The following SPTBN2 variants were observed in gnomAD, a reference collection of about 807,000 sequenced individuals.
The protein encoded by SPTBN2 is spectrin beta, non-erythrocytic 2.
SPTBN2 carries 107 observed loss-of-function variants against 284.2 expected under a neutral mutation model. The ratio of observed to expected loss-of-function variants is 0.38; its 90% CI spans 0.32 to 0.44. The LOEUF is 0.44. SPTBN2 is among the 20% of genes least tolerant of loss of function. The probability of loss-of-function intolerance (pLI) is 1.00; values close to 1 mark genes in which losing one functional copy is unlikely to be tolerated. For synonymous variants in SPTBN2, 1,289 were observed against 1,354.8 expected (o/e 0.95, Z 1.07); for missense variants, 2,569 against 3,287.1 (o/e 0.78, Z 5.34).
chr11:66,708,970 T>C lies in SPTBN2; in HGVS notation c.1123A>G (p.Lys375Glu). ...ACCTTCTGGTTGTTGGCCCGAAGCT[T>C]GCTCTGGATGGTGAAGAGCAGCACT... Reference protein sequence around the residue: ...LEVLLFTIQSKLRANNQKVYT... With the variant: ...LEVLLFTIQSELRANNQKVYT... The change falls in exon 11 of 38, where the codon AAG becomes GAG. Residue 375 changes from lysine to glutamate, a missense_variant. Physicochemically the swap from Lys to Glu is moderately conservative, Grantham distance 56. Around this residue, in one of 6 missense-constraint regions of SPTBN2, gnomAD observed 304 missense variants for 522.1 expected, o/e 0.58. Transcript: ENST00000533211. The surrounding 1 kb of genome is among the most constrained non-coding windows in gnomAD (Gnocchi z 4.4). The C allele has an allele frequency of 6.2e-7, 1 of 1,613,644 alleles. No homozygotes were observed. The highest frequency in any genetic ancestry group is 8.5e-7 in the Non-Finnish European group (1 of 1,179,860).
chr11:66,721,530 C>T (rs1007620901), intron 1 of SPTBN2, 90 bp from the exon 2 acceptor site: 10 of 473,514 alleles, frequency 2.1e-5, no homozygotes, highest in Admixed American at 1.0e-4. Context: ...AAGGCTCCAA[C>T]GACTTCGGGC....
rs1939992025 is a variant in SPTBN2, at chr11:66,684,612, C to T, written c.*1259G>A. Reference sequence around the variant, plus strand: ...ATTGCGCCACTGCAGTCCAGCTTGGCTGACAGAGTGAGACTCTGTCTCAAA... The same window carrying T: ...ATTGCGCCACTGCAGTCCAGCTTGGTTGACAGAGTGAGACTCTGTCTCAAA... On this transcript the variant is annotated 3_prime_UTR_variant, in exon 38 of 38. Coordinates refer to ENST00000533211, the MANE Select transcript of SPTBN2 (RefSeq NM_006946.4). Among the ~76,000 whole-genome samples the T allele has an allele frequency of 6.9e-6, 1 of 145,430 alleles. No homozygotes were observed. Among genetic ancestry groups the T allele is most frequent in the Admixed American group, 7.0e-5 (1 of 14,208 alleles).
intron 1 of SPTBN2, chr11:66,728,307 G>T (rs1351368570): frequency 6.9e-6 from 1 of 145,438 alleles, no homozygotes; most frequent in Non-Finnish European, 1.5e-5. Context: ...GTCACGGGGC[G>T]CAGGCGGCGC....
Position 66,708,953 on chromosome 11 carries a change from G to C in SPTBN2, c.1140C>G (p.Asn380Lys), listed in dbSNP as rs1442474096. The C allele has an allele frequency of 1.9e-6, 3 of 1,614,054 alleles. No homozygotes were observed. Among genetic ancestry groups the C allele is most frequent in the Non-Finnish European group, 2.5e-6 (3 of 1,179,986 alleles). ...CCTCGCGGGGCGTGTAGACCTTCTG[G>C]TTGTTGGCCCGAAGCTTGCTCTGGA... ...FTIQSKLRAN[N>K]QKVYTPREGR... Residue 380 changes from asparagine (N) to lysine (K), a missense_variant, in exon 11 of 38, where the codon AAC (asparagine) becomes AAG (lysine). Asn to Lys is a moderately conservative substitution (Grantham distance 94). This residue lies in a region of SPTBN2 where 304 missense variants were observed against 522.1 expected (regional missense o/e 0.58). Transcript: ENST00000533211. This position sits in a 1 kb window ranked among gnomAD's most constrained non-coding sequence, Gnocchi z 4.4.
rs1590967004 is a variant in SPTBN2 at position 66,714,126 on chromosome 11, A to G, written c.621T>C (p.Asp207=). The G allele has an allele frequency of 1.2e-6, 2 of 1,614,202 alleles. No individual in the cohort carries two copies. Among genetic ancestry groups the G allele is most frequent in the East Asian group, 4.5e-5 (2 of 44,884 alleles). ...NVHNFTTSWR[D]GLAFNAIVHK... ...GCACGATGGCGTTGAAAGCTAGTCC[A>G]TCTCTCCAGCTGGTGGTGAAGTTGT... The change falls in exon 7 of 38, where the codon GAT becomes GAC. Residue 207 remains aspartate, a synonymous_variant. Coordinates refer to ENST00000533211, the MANE Select transcript of SPTBN2 (RefSeq NM_006946.4).
intron 1 of SPTBN2, among the ~76,000 whole-genome samples, chr11:66,735,927 G>A (rs1198366718): frequency 6.6e-6 from 1 of 152,148 alleles, no homozygotes; most frequent in Non-Finnish European, 1.5e-5. Context: ...AAACAAGCAT[G>A]CTGCACAAGT....
chr11:66,709,484 A>T (rs1032810982), intron 10 of SPTBN2, among the ~76,000 whole-genome samples: 1 of 152,206 alleles, frequency 6.6e-6, no homozygotes, highest in Non-Finnish European at 1.5e-5. Flanking sequence ...AGCCAAAATA[A>T]TTCTTTTATA....
At position 66,705,724 on chromosome 11, in the gene SPTBN2, G is replaced by A. The variant is rs748966229; in HGVS notation, c.1767C>T (p.Ala589=). 43 of 1,612,498 alleles carry A rather than the reference G, an allele frequency of 2.7e-5. No homozygotes were observed. Among genetic ancestry groups the A allele is most frequent in the South Asian group, 1.5e-4 (14 of 91,084 alleles). The part of the protein sequence containing the change: ...DIAVQAERVR[A]VSASALRFCN... ...AGAAGCGCAGGGCAGAGGCGCTGAC[G>A]GCCCGCACCCTCTCGGCCTGCACGG... Residue 589 remains alanine (A), a synonymous_variant, in exon 14 of 38, where the codon GCC becomes GCT. Transcript: ENST00000533211.
At position 66,689,115 on chromosome 11, in the gene SPTBN2, C is replaced by G; in HGVS notation, c.6015G>C (p.Lys2005Asn). The G allele has an allele frequency of 6.2e-7, 1 of 1,609,328 alleles. No individual in the cohort carries two copies. Among genetic ancestry groups the G allele is most frequent in the South Asian group, 1.1e-5 (1 of 90,106 alleles). The change falls in exon 30 of 38, where the codon AAG becomes AAC. Residue 2005 changes from lysine (K) to asparagine (N), a missense_variant. This residue lies in a region of SPTBN2 where 1,130 missense variants were observed against 1,317.3 expected (regional missense o/e 0.86). Transcript: ENST00000533211. ...GCTCACCCAGCTGAAGCCAGTCCATCTTCTCCTGCCACTTCTCAGCTGTCT... is the reference window on the plus strand; with the variant it reads ...GCTCACCCAGCTGAAGCCAGTCCATGTTCTCCTGCCACTTCTCAGCTGTCT... ...RQETAEKWQE[K>N]MDWLQLVLEV... is the part of the protein sequence containing the mutation.
In SPTBN2 at chr11:66,685,746, T is replaced by A. The variant is rs978795925; in HGVS notation, c.*125A>T. The stretch of plus-strand genomic sequence containing the variant: ...CGTCCCCAGTGACAGTTCCTGGTGA[T>A]GGGTTGACCTTGGCAACAGACCCTA... On this transcript the variant is annotated 3_prime_UTR_variant, in exon 38 of 38. Transcript: ENST00000533211. This position sits in a 1 kb window ranked among gnomAD's most constrained non-coding sequence, Gnocchi z 4.4. 18 of 863,526 alleles carry A rather than the reference T, an allele frequency of 2.1e-5. No homozygotes were observed. The African/African-American group carries it at 2.8e-4, about 13-fold the overall frequency. The allele number at this position is 863,526 out of a possible 1,614,324, so 53.5% of individuals were successfully genotyped here. A position where few individuals can be genotyped will look rare whatever the true frequency, so the allele number is the denominator to read the frequency against.
At chr11:66,731,715 CTT>C (rs889903882), upstream of SPTBN2, among the ~76,000 whole-genome samples, 1 of 152,248 alleles carries the variant, frequency 6.6e-6, no homozygotes, top group African/African-American at 2.4e-5. Flanking sequence ...TCCCCTTGCT[CTT>C]TATGTTCACA....
chr11:66,729,825 G>A (rs139319969), upstream of SPTBN2, among the ~76,000 whole-genome samples: 1,883 of 152,114 alleles, frequency 0.012, 36 homozygotes, highest in African/African-American at 0.043. Context: ...ATTTTGAGAC[G>A]GAGTCGTGCT....
At chr11:66,695,425 ATTTTTGTAG>A (rs1381874537) in intron 21 of SPTBN2, among the ~76,000 whole-genome samples, 27 of 151,994 alleles carry the variant, frequency 1.8e-4, no homozygotes. Flanking sequence ...CGCCCAGCTA[ATTTTTGTAG>A]TTTTTGTAGA....
rs1018231878 is a variant in SPTBN2, at chr11:66,688,290, G to T, written c.6253C>A (p.Arg2085=). ...TCCTCCTCCTCCCTCTTTCTCTTTCGCTCCTTCTCCCGCTCCTCTAGCTGT... is the reference window on the plus strand; with the variant it reads ...TCCTCCTCCTCCCTCTTTCTCTTTCTCTCCTTCTCCCGCTCCTCTAGCTGT... ...LTALEEREKE[R]KRKREEEERR... The change falls in exon 32 of 38, where the codon CGA becomes AGA. Residue 2085 remains arginine (R), a synonymous_variant. Coordinates refer to ENST00000533211, the MANE Select transcript of SPTBN2 (RefSeq NM_006946.4). The T allele has an allele frequency of 6.2e-7, 1 of 1,604,744 alleles. No individual in the cohort carries two copies.
In SPTBN2 at chr11:66,710,906, A is replaced by G. The variant is rs1190051429; in HGVS notation, c.885+11T>C. Reference sequence around the variant, plus strand: ...CCTCTGGCCTTTATGCCTACTGCCCATGGACAGTACCTTGCCAATTCTCTT... The same window carrying G: ...CCTCTGGCCTTTATGCCTACTGCCCGTGGACAGTACCTTGCCAATTCTCTT... On this transcript the variant is annotated intron_variant, in intron 9 of 37. Transcript: ENST00000533211. The surrounding 1 kb of genome is among the most constrained non-coding windows in gnomAD (Gnocchi z 4.9). 1 of 1,614,028 alleles carries G rather than the reference A, an allele frequency of 6.2e-7. No individual in the cohort carries two copies. Among genetic ancestry groups the G allele is most frequent in the Non-Finnish European group, 8.5e-7 (1 of 1,179,878 alleles).
chr11:66,692,649 G>A lies in SPTBN2; in HGVS notation c.5077C>T (p.His1693Tyr), dbSNP rs562971143. 1.9e-6 allele frequency: 3 copies of A among 1,604,818 alleles called. No individual in the cohort carries two copies. The South Asian group carries it at 3.3e-5, about 18-fold the overall frequency. Residue 1693 changes from histidine to tyrosine, a missense_variant, in exon 26 of 38, where the codon CAC becomes TAC. By Grantham distance (83) the His-to-Tyr change is moderately conservative. This residue lies in a region of SPTBN2 where 1,130 missense variants were observed against 1,317.3 expected (regional missense o/e 0.86). Coordinates refer to ENST00000533211, the MANE Select transcript of SPTBN2 (RefSeq NM_006946.4). Reference protein sequence around the residue: ...AGERRERLQEHLRLCQLRREL... With the variant: ...AGERRERLQEYLRLCQLRREL... The stretch of plus-strand genomic sequence containing the variant: ...CGGCGGAGCTGGCACAGCCGGAGGT[G>A]CTCCTGCAGGCGCTCCCGCCGCTCT...
chr11:66,701,030 A>T lies in SPTBN2; in HGVS notation c.3069T>A (p.Asn1023Lys). 1 of 1,608,844 alleles carries T rather than the reference A, an allele frequency of 6.2e-7. No homozygotes were observed. Among genetic ancestry groups the T allele is most frequent in the Non-Finnish European group, 8.5e-7 (1 of 1,179,794 alleles). Reference sequence around the variant, plus strand: ...GAGCGGGATGGCCGGCAGCCAGGGCATTTGCCTCTCGAGTCAGTTCGCCCA... The same window carrying T: ...GAGCGGGATGGCCGGCAGCCAGGGCTTTTGCCTCTCGAGTCAGTTCGCCCA... Reference protein sequence around the residue: ...ARVGELTREANALAAGHPAQA... With the variant: ...ARVGELTREAKALAAGHPAQA... The change falls in exon 17 of 38, where the codon AAT becomes AAA. Residue 1023 changes from asparagine to lysine, a missense_variant. Physicochemically the swap from Asn to Lys is moderately conservative, Grantham distance 94 (BLOSUM62 0). Coordinates refer to ENST00000533211, the MANE Select transcript of SPTBN2 (RefSeq NM_006946.4).
chr11:66,688,778 C>A lies in SPTBN2; in HGVS notation c.6106G>T (p.Val2036Leu), dbSNP rs1283240546. 6.2e-7 allele frequency: 1 copy of A among 1,613,300 alleles called. No individual in the cohort carries two copies. The highest frequency in any genetic ancestry group is 1.7e-5 in the Admixed American group (1 of 60,034). ...GTGCAACCCAGCTCAGCGCTGCGCACCAGTGGCTCCTGGCTGCAGAGCCAG... is the reference window on the plus strand; with the variant it reads ...GTGCAACCCAGCTCAGCGCTGCGCAACAGTGGCTCCTGGCTGCAGAGCCAG... Reference protein sequence around the residue: ...EAWLCSQEPLVRSAELGCTVD... With the variant: ...EAWLCSQEPLLRSAELGCTVD... The change falls in exon 31 of 38, where the codon GTG becomes TTG. Residue 2036 changes from valine (V) to leucine (L), a missense_variant. Transcript: ENST00000533211.
At position 66,692,756 on chromosome 11, in the gene SPTBN2, G is replaced by A. The variant is rs1396597730; in HGVS notation, c.4986-16C>T. ...TATCCGAGTGCTGCAAGAAGAGTGA[G>A]GGAGGCACTGTGGGACTTAGGGGTG... On this transcript the variant is annotated splice_polypyrimidine_tract_variant and intron_variant, in intron 25 of 37. Coordinates refer to ENST00000533211, the MANE Select transcript of SPTBN2 (RefSeq NM_006946.4). The A allele has an allele frequency of 7.5e-6, 12 of 1,600,376 alleles. No individual in the cohort carries two copies. The highest frequency in any genetic ancestry group is 1.0e-5 in the Non-Finnish European group (12 of 1,179,936).
Sources: allele counts gnomAD v4.1 joint callset (sites outside exome capture counted in the v4.1 genomes callset), GRCh38; gene constraint gnomAD v4.1.1; regional missense constraint gnomAD v4.1.1; non-coding constraint Gnocchi (gnomAD v3.1); transcripts MANE v1.5; gene names NCBI Gene and HGNC (gene_info 2026-07-23, HGNC 2026-07-21).